HCN1: variants seen among roughly 807,000 people sequenced by gnomAD.
The protein encoded by HCN1 is hyperpolarization activated cyclic nucleotide gated potassium channel 1.
HCN1 carries 13 observed loss-of-function variants against 78.9 expected under a neutral mutation model. That is an observed-to-expected ratio of 0.16 (90% confidence interval 0.11 to 0.26). The LOEUF is 0.26. Ranked by LOEUF, HCN1 falls within the 10% of genes least tolerant of loss-of-function variation. The pLI, the probability that HCN1 is intolerant of heterozygous loss-of-function variation, is 1.00. For synonymous variants in HCN1, 552 were observed against 455.5 expected (o/e 1.21, Z -2.70); for missense variants, 810 against 1,154.3 (o/e 0.70, Z 4.32).
At chr5:45,426,123 G>A (rs1561150210) in intron 3 of HCN1, among the ~76,000 whole-genome samples, 1 of 152,154 alleles carries the variant, frequency 6.6e-6, no homozygotes, top group Non-Finnish European at 1.5e-5. Flanking sequence ...CCATTTAACT[G>A]TTTGAATAGG....
rs767244037 is a variant in HCN1, at chr5:45,503,371, G to A, written c.850-41364C>T. 2.6e-5 allele frequency among the ~76,000 whole-genome samples: 4 copies of A among 152,080 alleles called. No homozygotes were observed. The South Asian group carries it at 6.2e-4, about 24-fold the overall frequency. ...AGGCAAATGAGTAGGTATCTCTAAC[G>A]AATAAATAGCTAGGGAAGAAGAGAA... On this transcript the variant is annotated intron_variant, in intron 2 of 7. Coordinates refer to ENST00000303230, the MANE Select transcript of HCN1 (RefSeq NM_021072.4).
intron 2 of HCN1, 45 bp from the exon 3 acceptor site, chr5:45,462,052 G>GAA: frequency 6.6e-7 from 1 of 1,509,162 alleles, no homozygotes; most frequent in South Asian, 1.2e-5. Context: ...CAATTTTTTA[G>GAA]AAAAATCAAG....
intron 1 of HCN1, among the ~76,000 whole-genome samples, chr5:45,651,139 G>A (rs886629033): frequency 3.3e-5 from 5 of 151,980 alleles, no homozygotes; most frequent in East Asian, 1.9e-4. Flanking sequence ...ATTTACAGTC[G>A]CTCCTATTTT....
At chr5:45,293,366 G>A (rs1454957130) in intron 6 of HCN1, among the ~76,000 whole-genome samples, 5 of 151,962 alleles carry the variant, frequency 3.3e-5, no homozygotes, top group African/African-American at 1.2e-4. Flanking sequence ...AGCCAGGCAT[G>A]GTGGTATACA....
chr5:45,322,125 T>C (rs1242468036), intron 5 of HCN1, among the ~76,000 whole-genome samples: 1 of 151,900 alleles, frequency 6.6e-6, no homozygotes, highest in African/African-American at 2.4e-5. Flanking sequence ...TAGTCACAAA[T>C]GTTTTAAGAG....
intron 2 of HCN1, among the ~76,000 whole-genome samples, chr5:45,594,678 C>A (rs1480170027): frequency 6.6e-6 from 1 of 152,132 alleles, no homozygotes; most frequent in African/African-American, 2.4e-5. Context: ...TTTTCTATTT[C>A]TCAAAACCAC....
rs1158571535 is a variant in HCN1, at chr5:45,372,258, TTTA to T, written c.1231-19015_1231-19013del. On this transcript the variant is annotated intron_variant, in intron 4 of 7. Transcript: ENST00000303230. ...TATTATATTTTATATATAATATATATTTATATATATATTTATATATATAATATA... is the reference window on the plus strand; with the variant it reads ...TATTATATTTTATATATAATATATATTATATATATTTATATATATAATATA... Among the ~76,000 whole-genome samples the T allele has an allele frequency of 7.2e-4, 36 of 50,268 alleles. No homozygotes were observed. The East Asian group carries it at 0.014, about 20-fold the overall frequency. 33.0% of individuals were successfully genotyped at this position (50,268 alleles called of 152,430 possible).
chr5:45,652,054 G>A (rs1745685963), intron 1 of HCN1, among the ~76,000 whole-genome samples: 1 of 151,964 alleles, frequency 6.6e-6, no homozygotes, highest in South Asian at 2.1e-4. Flanking sequence ...GAGATGGGTG[G>A]GTGGTGCATT....
chr5:45,641,733 T>C (rs930431556), intron 2 of HCN1: 28 of 152,268 alleles, frequency 1.8e-4, no homozygotes, highest in South Asian at 2.1e-4. Flanking sequence ...CCTAAACCTC[T>C]AAAAAATTTC....
At chr5:45,374,180 A>G (rs1168417939) in intron 4 of HCN1, among the ~76,000 whole-genome samples, 1 of 110,754 alleles carries the variant, frequency 9.0e-6, no homozygotes, top group African/African-American at 3.4e-5. Flanking sequence ...AATATATATT[A>G]TATATTATAT....
At chr5:45,584,101 G>A (rs1253501807) in intron 2 of HCN1, among the ~76,000 whole-genome samples, 4 of 151,300 alleles carry the variant, frequency 2.6e-5, no homozygotes, top group South Asian at 2.1e-4. Context: ...TTTCTGTCTC[G>A]TTGATCTGTT....
intron 5 of HCN1, among the ~76,000 whole-genome samples, chr5:45,306,744 C>T (rs536073489): frequency 2.9e-4 from 44 of 152,094 alleles, no homozygotes; most frequent in Non-Finnish European, 5.6e-4. Context: ...GTTACTATCT[C>T]TAATGTCAAT....
At chr5:45,629,944 G>C (rs1327406668) in intron 2 of HCN1, among the ~76,000 whole-genome samples, 1 of 152,018 alleles carries the variant, frequency 6.6e-6, no homozygotes, top group Admixed American at 6.6e-5. Flanking sequence ...TCCTATTAAG[G>C]TTGAGTTCAC....
chr5:45,467,886 C>A (rs962940631), intron 2 of HCN1, among the ~76,000 whole-genome samples: 3 of 152,000 alleles, frequency 2.0e-5, no homozygotes, highest in Non-Finnish European at 2.9e-5. Flanking sequence ...TTTCCTAATT[C>A]TTTTTTTCCC....
chr5:45,514,282 A>C (rs1023947616), intron 2 of HCN1, among the ~76,000 whole-genome samples: 13 of 152,088 alleles, frequency 8.5e-5, no homozygotes, highest in Non-Finnish European at 1.6e-4. Flanking sequence ...GTCTACCTCA[A>C]ACACATTGCG....
chr5:45,383,006 A>G (rs956847647), intron 4 of HCN1, among the ~76,000 whole-genome samples: 6 of 152,138 alleles, frequency 3.9e-5, no homozygotes, highest in Admixed American at 1.3e-4. Context: ...AATGATCTCT[A>G]TATAGGAGGT....
At chr5:45,490,277 T>C (rs1287046512) in intron 2 of HCN1, among the ~76,000 whole-genome samples, 65 of 152,128 alleles carry the variant, frequency 4.3e-4, no homozygotes, top group Admixed American at 4.2e-3. Context: ...TGAGATTGGA[T>C]TGTTTTCCTG....
chr5:45,642,776 C>T (rs1745480116), intron 2 of HCN1: 1 of 152,038 alleles, frequency 6.6e-6, no homozygotes, highest in Admixed American at 6.6e-5. Context: ...GTTTTGGAAC[C>T]ATTCAAGTTT....
At chr5:45,595,821 G>A (rs1744480216) in intron 2 of HCN1, among the ~76,000 whole-genome samples, 1 of 150,924 alleles carries the variant, frequency 6.6e-6, no homozygotes, top group East Asian at 2.0e-4. Flanking sequence ...GAATTATGAT[G>A]GTTCAACATA....
Sources: gnomAD v4.1 joint callset for allele counts (sites outside exome capture counted in the v4.1 genomes callset) on GRCh38, gnomAD v4.1.1 for gene constraint, MANE v1.5 for transcripts, NCBI Gene and HGNC (gene_info 2026-07-23, HGNC 2026-07-21) for gene names.